Variants in GPR158 observed in about 807,000 individuals in gnomAD.
GPR158 encodes metabotropic glycine receptor.
A neutral mutation model predicts 78.2 loss-of-function variants in GPR158; 30 were observed. That is an observed-to-expected ratio of 0.38 (90% CI 0.29 to 0.52). The LOEUF (loss-of-function observed/expected upper bound fraction) is 0.52. Among genes scored for constraint, GPR158 ranks in the 20% least tolerant of loss-of-function variants. The probability of loss-of-function intolerance (pLI) is 0.83; values close to 1 mark genes in which losing one functional copy is unlikely to be tolerated. For missense variants in GPR158, 1,463 were observed against 1,523.5 expected (o/e 0.96, Z 0.66); for synonymous variants, 581 against 591.1 (o/e 0.98, Z 0.25).
Position 25,412,784 on chromosome 10 carries a change from C to T in GPR158, c.1335+311C>T, listed in dbSNP as rs553823003. Reference sequence around the variant, plus strand: ...TAGAGAAACTTATTCTACCAGCATCCAATGTATTATTAATTTTTTTGTATC... The same window carrying T: ...TAGAGAAACTTATTCTACCAGCATCTAATGTATTATTAATTTTTTTGTATC... On this transcript the variant is annotated intron_variant, in intron 4 of 10. Coordinates refer to ENST00000376351, the MANE Select transcript of GPR158 (RefSeq NM_020752.3). Among the ~76,000 whole-genome samples, 13 of 152,244 alleles carry T rather than the reference C, an allele frequency of 8.5e-5. No homozygotes were observed. The East Asian group carries it at 2.3e-3, about 27-fold the overall frequency.
intron 5 of GPR158, among the ~76,000 whole-genome samples, chr10:25,467,930 G>T (rs186124023): frequency 4.3e-4 from 65 of 151,964 alleles, no homozygotes; most frequent in African/African-American, 1.3e-3. Flanking sequence ...CCCCAGGTTT[G>T]TAGAATTCTC....
chr10:25,543,208 C>T (rs983322252), intron 5 of GPR158, among the ~76,000 whole-genome samples: 1 of 152,134 alleles, frequency 6.6e-6, no homozygotes, highest in African/African-American at 2.4e-5. Flanking sequence ...GCAACCTCTG[C>T]CTCCCAGGTT....
intron 4 of GPR158, among the ~76,000 whole-genome samples, chr10:25,459,515 T>G (rs1835330848): frequency 6.6e-6 from 1 of 152,200 alleles, no homozygotes; most frequent in Non-Finnish European, 1.5e-5. Context: ...AATAGCTGCC[T>G]TGTTTTAGCA....
chr10:25,285,741 G>C (rs1854341962), intron 2 of GPR158, among the ~76,000 whole-genome samples: 1 of 152,098 alleles, frequency 6.6e-6, no homozygotes, highest in Non-Finnish European at 1.5e-5. Context: ...AGACACCTCA[G>C]AAGTAATGCT....
At chr10:25,296,828 A>G (rs1334614609) in intron 2 of GPR158, among the ~76,000 whole-genome samples, 1 of 152,162 alleles carries the variant, frequency 6.6e-6, no homozygotes, top group Non-Finnish European at 1.5e-5. Flanking sequence ...GGGAGTGGTG[A>G]GTCTAGGATT....
intron 2 of GPR158, among the ~76,000 whole-genome samples, chr10:25,375,938 T>C (rs1834072637): frequency 6.6e-6 from 1 of 151,666 alleles, no homozygotes; most frequent in Non-Finnish European, 1.5e-5. Context: ...TGGGATTTGA[T>C]AGGAATTGCA....
At chr10:25,509,308 A>G (rs1836053130) in intron 5 of GPR158, among the ~76,000 whole-genome samples, 1 of 152,278 alleles carries the variant, frequency 6.6e-6, no homozygotes, top group African/African-American at 2.4e-5. Flanking sequence ...AATATCATGG[A>G]CTTCGTGCGC....
intron 4 of GPR158, among the ~76,000 whole-genome samples, chr10:25,430,222 C>G (rs1057336547): frequency 1.3e-5 from 2 of 152,138 alleles, no homozygotes; most frequent in South Asian, 2.1e-4. Context: ...CAATAACAGA[C>G]AAACAGAGAG....
chr10:25,444,197 C>G (rs1046687139), intron 4 of GPR158, among the ~76,000 whole-genome samples: 1 of 150,032 alleles, frequency 6.7e-6, no homozygotes, highest in Non-Finnish European at 1.5e-5. Context: ...GTGTTTTTCT[C>G]AAAAACCTGA....
intron 5 of GPR158, among the ~76,000 whole-genome samples, chr10:25,508,626 C>G (rs1198544353): frequency 1.3e-5 from 2 of 152,084 alleles, no homozygotes; most frequent in Non-Finnish European, 2.9e-5. Context: ...CCTGTCCAAT[C>G]AGAGTTGCTG....
chr10:25,574,721 C>T (rs1304613941), intron 7 of GPR158, among the ~76,000 whole-genome samples: 7 of 152,030 alleles, frequency 4.6e-5, no homozygotes, highest in Non-Finnish European at 7.4e-5. Context: ...ACCGTCTCTA[C>T]TAAAAATACA....
At chr10:25,284,483 G>T (rs1854319280) in intron 2 of GPR158, among the ~76,000 whole-genome samples, 1 of 150,972 alleles carries the variant, frequency 6.6e-6, no homozygotes, top group Non-Finnish European at 1.5e-5. Flanking sequence ...TTTTTTTTCT[G>T]TGTCTTTATC....
chr10:25,511,972 C>T (rs1836092588), intron 5 of GPR158, among the ~76,000 whole-genome samples: 1 of 152,042 alleles, frequency 6.6e-6, no homozygotes, highest in Non-Finnish European at 1.5e-5. Context: ...AATGTGATGC[C>T]TCCATATTTG....
chr10:25,459,835 A>AT (rs942800791), intron 4 of GPR158, among the ~76,000 whole-genome samples: 1 of 140,710 alleles, frequency 7.1e-6, no homozygotes, highest in Non-Finnish European at 1.6e-5. Flanking sequence ...AATTTGACAT[A>AT]TTTTTTTGTC....
chr10:25,428,949 A>G (rs1834858842), intron 4 of GPR158, among the ~76,000 whole-genome samples: 5 of 152,028 alleles, frequency 3.3e-5, no homozygotes, highest in Admixed American at 3.3e-4. Context: ...TCTTCTTCGG[A>G]GCCTGTGAAA....
intron 6 of GPR158, among the ~76,000 whole-genome samples, chr10:25,566,241 A>G (rs999543698): frequency 6.6e-6 from 1 of 152,182 alleles, no homozygotes; most frequent in African/African-American, 2.4e-5. Flanking sequence ...GAGAGGACAC[A>G]GGGAAGCTTA....
rs148788294 is a variant in GPR158, at chr10:25,546,782, G to A, written c.1405-4194G>A. On this transcript the variant is annotated intron_variant, in intron 5 of 10. Coordinates refer to ENST00000376351, the MANE Select transcript of GPR158 (RefSeq NM_020752.3). ...GGCCAGTGTGCTAAGCCACAGGGGA[G>A]GCATGTTCTTTCTAGAGGAAGGGAT... 3.4e-3 allele frequency among the ~76,000 whole-genome samples: 520 copies of A among 152,282 alleles called. 1 individual carries two copies. The highest frequency in any genetic ancestry group is 0.011 in the African/African-American group (441 of 41,568).
intron 5 of GPR158, among the ~76,000 whole-genome samples, chr10:25,483,076 G>A (rs57048226): frequency 0.24 from 36,448 of 151,532 alleles, 6,047 homozygotes; most frequent in African/African-American, 0.47. Flanking sequence ...AAAACAACCC[G>A]TTAACTAGTA....
chr10:25,324,722 G>A (rs1855002716), intron 2 of GPR158, among the ~76,000 whole-genome samples: 1 of 152,010 alleles, frequency 6.6e-6, no homozygotes. Flanking sequence ...ATAAAGCAAA[G>A]TGCAATAAAA....
Sources: gnomAD v4.1 joint callset for allele counts (sites outside exome capture counted in the v4.1 genomes callset) on GRCh38, gnomAD v4.1.1 for gene constraint, MANE v1.5 for transcripts, NCBI Gene and HGNC (gene_info 2026-07-23, HGNC 2026-07-21) for gene names.